PDXDC1: variants seen among roughly 807,000 people sequenced by gnomAD.
The protein encoded by PDXDC1 is pyridoxal dependent decarboxylase domain containing 1.
Under a neutral mutation model 100.1 loss-of-function variants are expected in PDXDC1, and 42 were observed. That is an observed-to-expected ratio of 0.42 (90% CI 0.33 to 0.54). PDXDC1 has a LOEUF of 0.54. PDXDC1 is among the 20% of genes least tolerant of loss of function. The pLI, the probability that PDXDC1 is intolerant of heterozygous loss-of-function variation, is 0.10. For synonymous variants in PDXDC1, 260 were observed against 371.7 expected (o/e 0.70, Z 3.46); for missense variants, 636 against 979.2 (o/e 0.65, Z 4.68).
intron 16 of PDXDC1, chr16:15,084,529 A>G (rs1275344467): frequency 1.4e-6 from 1 of 711,258 alleles, no homozygotes; most frequent in South Asian, 1.9e-5. Flanking sequence ...GATACAAAAA[A>G]AACATGCAAT....
chr16:15,022,902 AC>A, intron 13 of PDXDC1, 148 bp downstream of exon 13: 1 of 706,422 alleles, frequency 1.4e-6, no homozygotes, highest in Non-Finnish European at 2.3e-6. Context: ...AAAAAACGAA[AC>A]AAAAAACAAA....
intron 16 of PDXDC1, among the ~76,000 whole-genome samples, chr16:15,097,544 A>G (rs1258904879): frequency 1.4e-4 from 21 of 147,852 alleles, no homozygotes; most frequent in African/African-American, 5.2e-4. Flanking sequence ...TGGGAAGCTG[A>G]GGCAGGAGAA....
At chr16:15,060,813 T>TA (rs1189716459) in intron 16 of PDXDC1, 1 of 152,186 alleles carries the variant, frequency 6.6e-6, no homozygotes, top group Non-Finnish European at 1.5e-5. Context: ...CCAAATAATC[T>TA]AAAAAAATTT....
chr16:15,115,030 G>A (rs533785911), intron 16 of PDXDC1, among the ~76,000 whole-genome samples: 1 of 149,204 alleles, frequency 6.7e-6, no homozygotes, highest in Non-Finnish European at 1.5e-5. Flanking sequence ...CCAGCTCCTG[G>A]GCTCAAGCCA....
At chr16:15,058,231 C>T (rs2044592684) in intron 16 of PDXDC1, among the ~76,000 whole-genome samples, 1 of 151,880 alleles carries the variant, frequency 6.6e-6, no homozygotes, top group South Asian at 2.1e-4. Context: ...GAGGTCAAGG[C>T]TGCAATGAGG....
intron 16 of PDXDC1, among the ~76,000 whole-genome samples, chr16:15,064,435 A>G (rs1327981961): frequency 1.3e-5 from 2 of 152,150 alleles, no homozygotes; most frequent in African/African-American, 4.8e-5. Context: ...TCAGCCTCCC[A>G]AAGTGCTGGG....
chr16:15,064,427 A>C (rs2151760103), intron 16 of PDXDC1, among the ~76,000 whole-genome samples: 1 of 152,276 alleles, frequency 6.6e-6, no homozygotes, highest in Middle Eastern at 3.4e-3. Context: ...CGCCCGCCTC[A>C]GCCTCCCAAA....
chr16:15,102,011 G>A (rs147045663), intron 16 of PDXDC1, among the ~76,000 whole-genome samples: 76 of 152,170 alleles, frequency 5.0e-4, no homozygotes, highest in African/African-American at 1.8e-3. Flanking sequence ...ACCATGCCTG[G>A]CTAATTTTGT....
intron 21 of PDXDC1, among the ~76,000 whole-genome samples, chr16:15,034,881 C>T (rs929285216): frequency 1.1e-4 from 17 of 152,170 alleles, no homozygotes; most frequent in Admixed American, 7.9e-4. Flanking sequence ...TTCTTGTCTT[C>T]ATGTGTGTTC....
chr16:15,084,662 TA>T (rs1567217411), intron 16 of PDXDC1: 1 of 1,612,164 alleles, frequency 6.2e-7, no homozygotes, highest in Non-Finnish European at 8.5e-7. Context: ...ATCTTGCTAT[TA>T]TTTGCAAGGC....
chr16:15,136,110 G>A lies in PDXDC1; in HGVS notation c.1400-2769G>A, dbSNP rs2048336862. The A allele has an allele frequency of 1.5e-5, 23 of 1,573,078 alleles. 2 individuals are homozygous for A. The South Asian group carries it at 2.0e-4, about 14-fold the overall frequency. Reference sequence around the variant, plus strand: ...CCTCCACCCGCTGCACAGTCGAGAAGCCGATCCACACGTCTAGGCTCCTGG... The same window carrying A: ...CCTCCACCCGCTGCACAGTCGAGAAACCGATCCACACGTCTAGGCTCCTGG... On this transcript the variant is annotated intron_variant, in intron 16 of 16. Coordinates refer to the PDXDC1 transcript ENST00000535621.
At chr16:15,124,615 T>A (rs1393141057) in intron 16 of PDXDC1, among the ~76,000 whole-genome samples, 3 of 147,108 alleles carry the variant, frequency 2.0e-5, no homozygotes, top group African/African-American at 7.4e-5. Flanking sequence ...TCTAATAAAA[T>A]ACAAAAATTA....
downstream of PDXDC1, among the ~76,000 whole-genome samples, chr16:15,144,053 G>A (rs1417107812): frequency 6.6e-6 from 1 of 152,184 alleles, no homozygotes; most frequent in Non-Finnish European, 1.5e-5. Flanking sequence ...CAGGACGCCA[G>A]ACCCAGGGAG....
In PDXDC1 at chr16:15,009,104, T is replaced by C. The variant is rs1252828985; in HGVS notation, c.648+257T>C. 2.6e-5 allele frequency among the ~76,000 whole-genome samples: 4 copies of C among 152,296 alleles called. No homozygotes were observed. In the East Asian group the frequency reaches 7.7e-4, roughly 29 times the overall value. On this transcript the variant is annotated intron_variant, in intron 7 of 22. Transcript: ENST00000396410. ...CTGCTTTAAGTAGAAACATGGCAGC[T>C]CAATTAAGCACCAGAAATTTCTTCT...
chr16:15,041,305 A>G (rs560610780), downstream of PDXDC1, among the ~76,000 whole-genome samples: 4 of 152,248 alleles, frequency 2.6e-5, no homozygotes, highest in East Asian at 7.7e-4. Context: ...TATACTGAAC[A>G]AACTGGCAGC....
At chr16:15,099,004 G>A (rs1010436722) in intron 16 of PDXDC1, among the ~76,000 whole-genome samples, 11 of 152,206 alleles carry the variant, frequency 7.2e-5, no homozygotes, top group African/African-American at 2.4e-4. Context: ...TGAAGGCTGT[G>A]CCAATGTACA....
chr16:15,027,247 G>A (rs1225362501), intron 14 of PDXDC1, among the ~76,000 whole-genome samples: 1 of 152,302 alleles, frequency 6.6e-6, no homozygotes, highest in Admixed American at 6.5e-5. Context: ...CAGGGCATGT[G>A]ATGGGGGTGT....
At chr16:15,124,510 C>G (rs1261933550) in intron 16 of PDXDC1, among the ~76,000 whole-genome samples, 1 of 151,898 alleles carries the variant, frequency 6.6e-6, no homozygotes, top group African/African-American at 2.4e-5. Flanking sequence ...GGTGGTGGCT[C>G]ACGCCTGTAA....
chr16:15,074,939 A>T (rs2045388362), intron 16 of PDXDC1: 1 of 1,365,234 alleles, frequency 7.3e-7, no homozygotes, highest in African/African-American at 1.5e-5. Context: ...GTCATAAGTG[A>T]TTATTTCCCT....
Sources: gnomAD v4.1 joint callset for allele counts (sites outside exome capture counted in the v4.1 genomes callset) on GRCh38, gnomAD v4.1.1 for gene constraint, MANE v1.5 for transcripts, NCBI Gene and HGNC (gene_info 2026-07-23, HGNC 2026-07-21) for gene names.